Variants in TPD52 observed in about 807,000 individuals in gnomAD.
TPD52 encodes prostate and colon associated protein.
In TPD52, 17 loss-of-function variants were observed where a neutral mutation model predicts 31.3. The ratio of observed to expected loss-of-function variants is 0.54; its 90% CI spans 0.37 to 0.82. The LOEUF (loss-of-function observed/expected upper bound fraction) is 0.82. Among genes scored for constraint, TPD52 ranks in the 40% least tolerant of loss-of-function variants. The pLI, the probability that TPD52 is intolerant of heterozygous loss-of-function variation, is 0.00. For missense variants in TPD52, 212 were observed against 240.1 expected, an observed-to-expected ratio of 0.88 and a Z score of 0.77; for synonymous variants, 83 against 89.6, an observed-to-expected ratio of 0.93 and a Z score of 0.42.
At chr8:80,141,888 C>T (rs543660666) in intron 1 of TPD52, among the ~76,000 whole-genome samples, 22 of 151,044 alleles carry the variant, frequency 1.5e-4, no homozygotes, top group Admixed American at 1.2e-3. Context: ...CCAGCCTGGG[C>T]GACAGAGCCA....
rs1815803356 is a variant in TPD52, at chr8:80,086,660, C to G, written c.20-22067G>C. ...AGACCAAGGCAGGCAGATCACCTGA[C>G]ATCAAGAGTTCGAGACCAGCCTGGC... On this transcript the variant is annotated intron_variant, in intron 1 of 7. Coordinates refer to ENST00000518937, the MANE Select transcript of TPD52 (RefSeq NM_001025253.3). Among the ~76,000 whole-genome samples, 3 of 151,814 alleles carry G rather than the reference C, an allele frequency of 2.0e-5. No individual in the cohort carries two copies. In the South Asian group the frequency reaches 6.3e-4, roughly 32 times the overall value.
intron 1 of TPD52, among the ~76,000 whole-genome samples, chr8:80,069,514 T>C (rs1217009402): frequency 6.8e-6 from 1 of 147,102 alleles, no homozygotes; most frequent in African/African-American, 2.5e-5. Context: ...GGGCTGGGCA[T>C]GGTGGCTCAC....
At chr8:80,057,869 G>T (rs865989988) in intron 2 of TPD52, among the ~76,000 whole-genome samples, 5 of 152,120 alleles carry the variant, frequency 3.3e-5, no homozygotes, top group South Asian at 2.1e-4. Flanking sequence ...AAAATGAAAA[G>T]GAAAATCCAC....
intron 1 of TPD52, among the ~76,000 whole-genome samples, chr8:80,082,278 G>A (rs1026934953): frequency 4.6e-5 from 7 of 151,878 alleles, no homozygotes; most frequent in African/African-American, 7.3e-5. Flanking sequence ...GGATTGTCTG[G>A]CTTCTTGAAA....
intron 1 of TPD52, among the ~76,000 whole-genome samples, chr8:80,144,886 CA>C (rs796071471): frequency 4.1e-4 from 58 of 142,666 alleles, no homozygotes; most frequent in African/African-American, 1.0e-3. Context: ...TTATAACAAC[CA>C]AAAAAAAAAA....
intron 1 of TPD52, among the ~76,000 whole-genome samples, chr8:80,116,417 C>A (rs1393000664): frequency 1.3e-5 from 2 of 152,128 alleles, no homozygotes; most frequent in Non-Finnish European, 2.9e-5. Context: ...GATGAAATGA[C>A]AAATTCCTAG....
intron 1 of TPD52, among the ~76,000 whole-genome samples, chr8:80,128,705 A>T (rs546079462): frequency 2.5e-4 from 38 of 151,872 alleles, no homozygotes; most frequent in Non-Finnish European, 2.6e-4. Flanking sequence ...GTTAAATATT[A>T]AAAAAATTAA....
chr8:80,075,892 A>C (rs77242562), intron 1 of TPD52, among the ~76,000 whole-genome samples: 5,149 of 152,314 alleles, frequency 0.034, 286 homozygotes, highest in African/African-American at 0.12. Flanking sequence ...AGAAGTGGTA[A>C]CCACTTCTCT....
At chr8:80,046,906 A>T (rs1810915715) in intron 5 of TPD52, among the ~76,000 whole-genome samples, 1 of 152,194 alleles carries the variant, frequency 6.6e-6, no homozygotes, top group Non-Finnish European at 1.5e-5. Flanking sequence ...AATAATAATA[A>T]GAGAGGAGGG....
At position 80,143,466 on chromosome 8, in the gene TPD52, A is replaced by G. The variant is rs117288236; in HGVS notation, c.19+27959T>C. 6.2e-3 allele frequency among the ~76,000 whole-genome samples: 949 copies of G among 152,306 alleles called. 6 individuals carry two copies. Among genetic ancestry groups the G allele is most frequent in the Middle Eastern group, 0.01 (3 of 294 alleles). On this transcript the variant is annotated intron_variant, in intron 1 of 7. Coordinates refer to ENST00000518937, the MANE Select transcript of TPD52 (RefSeq NM_001025253.3). ...TTGGGACATACATTTCTCTTTGACCAAAACTCATTAAAACTTGGCAGGAAG... is the reference window on the plus strand; with the variant it reads ...TTGGGACATACATTTCTCTTTGACCGAAACTCATTAAAACTTGGCAGGAAG...
At chr8:80,136,944 T>C (rs1017597933) in intron 1 of TPD52, among the ~76,000 whole-genome samples, 3 of 152,194 alleles carry the variant, frequency 2.0e-5, no homozygotes, top group Admixed American at 2.0e-4. Context: ...AGGTAATGAC[T>C]GGAAAATCTA....
At chr8:80,148,711 T>G (rs910810872) in intron 1 of TPD52, among the ~76,000 whole-genome samples, 1 of 152,186 alleles carries the variant, frequency 6.6e-6, no homozygotes, top group Admixed American at 6.5e-5. Context: ...GAACATCAGT[T>G]ACTCCAATTT....
chr8:80,151,827 G>T (rs948748278), intron 1 of TPD52, among the ~76,000 whole-genome samples: 1 of 152,144 alleles, frequency 6.6e-6, no homozygotes, highest in African/African-American at 2.4e-5. Flanking sequence ...ATGCCAATTA[G>T]ATCTATAACT....
chr8:80,063,309 G>A (rs1029005258), intron 2 of TPD52, among the ~76,000 whole-genome samples: 4 of 152,204 alleles, frequency 2.6e-5, no homozygotes, highest in Non-Finnish European at 4.4e-5. Context: ...GTTACATATT[G>A]TATGATTCCA....
rs34027501 is a variant in TPD52 at position 80,164,898 on chromosome 8, C to CAAAAAAAAAAAAAAA, written c.19+6512_19+6526dup. Among the ~76,000 whole-genome samples the CAAAAAAAAAAAAAAA allele has an allele frequency of 1.9e-4, 6 of 31,904 alleles. 1 individual carries two copies. The highest frequency in any genetic ancestry group is 4.4e-4 in the African/African-American group (4 of 9,002). The allele number at this position is 31,904 out of a possible 152,430, so 20.9% of individuals were successfully genotyped here. A position where few individuals can be genotyped will look rare whatever the true frequency, so the allele number is the denominator to read the frequency against. ...TGGGTGGCAGAGGGAGACAATGTCT[C>CAAAAAAAAAAAAAAA]AAAAAAAAAAAAAAAAAAAAAAAAA... On this transcript the variant is annotated intron_variant, in intron 1 of 7. Transcript: ENST00000518937.
chr8:80,080,370 G>A (rs763586345), intron 1 of TPD52: 32 of 1,614,074 alleles, frequency 2.0e-5, no homozygotes, highest in Middle Eastern at 1.6e-4. Context: ...TAGGAGACAA[G>A]TAGAGATAGC....
Position 80,044,172 on chromosome 8 carries a change from A to C in TPD52, c.450T>G (p.Ala150=). 1.9e-6 allele frequency: 3 copies of C among 1,584,978 alleles called. No homozygotes were observed. Among genetic ancestry groups the C allele is most frequent in the Non-Finnish European group, 2.6e-6 (3 of 1,170,570 alleles). The change falls in exon 6 of 8, where the codon GCT becomes GCG. Residue 150 remains alanine (A), a synonymous_variant. Transcript: ENST00000518937. ...TTCATAAAAATATACTTTACCTCAT[A>C]GCAGGCATGCTAATTGAATGCTGAA... ...RSIQHSISMP[A]MRNSPTFKSF...
At chr8:80,047,787 T>C (rs542339029) in intron 5 of TPD52, among the ~76,000 whole-genome samples, 1 of 152,306 alleles carries the variant, frequency 6.6e-6, no homozygotes, top group Admixed American at 6.5e-5. Context: ...AGGACTTTAA[T>C]GAGCCCAAAC....
chr8:80,125,162 G>A (rs143486452), intron 1 of TPD52, among the ~76,000 whole-genome samples: 1 of 152,314 alleles, frequency 6.6e-6, no homozygotes, highest in Non-Finnish European at 1.5e-5. Flanking sequence ...GGACTACAGA[G>A]TCCAACAGAT....
Sources: gnomAD v4.1 joint callset for allele counts (sites outside exome capture counted in the v4.1 genomes callset) on GRCh38, gnomAD v4.1.1 for gene constraint, MANE v1.5 for transcripts, NCBI Gene and HGNC (gene_info 2026-07-23, HGNC 2026-07-21) for gene names.